The following DIO3 variants were observed in gnomAD, a reference collection of about 807,000 sequenced individuals.
DIO3 encodes thyroxine 5-deiodinase.
Under a neutral mutation model 20.4 loss-of-function variants are expected in DIO3, and 5 were observed. The ratio of observed to expected loss-of-function variants is 0.25; its 90% CI spans 0.13 to 0.52. The LOEUF is 0.52. Ranked by LOEUF, DIO3 falls within the 20% of genes least tolerant of loss-of-function variation. DIO3 has a pLI of 0.97. For missense variants in DIO3, 341 were observed against 438.2 expected (o/e 0.78, Z 1.98); for synonymous variants, 201 against 193.3 (o/e 1.04, Z -0.33).
Position 101,562,186 on chromosome 14 carries a change from G to C in DIO3, c.690G>C (p.Arg230Ser), listed in dbSNP as rs771279073. 2.7e-5 allele frequency: 44 copies of C among 1,612,310 alleles called. No homozygotes were observed. Among genetic ancestry groups the C allele is most frequent in the Non-Finnish European group, 3.7e-5 (44 of 1,180,028 alleles). The stretch of plus-strand genomic sequence containing the variant: ...TGGAGGACCGGGTCAGCGCAGCGAG[G>C]GTACTGCAGCAAGGTGCACCCGGCT... Residue 230 changes from arginine to serine, a missense_variant, in exon 1 of 1, where the codon AGG (arginine) becomes AGC (serine). By Grantham distance (110) the Arg-to-Ser change is moderately radical. Around this residue, in one of 3 missense-constraint regions of DIO3, gnomAD observed 138 missense variants for 197.8 expected, o/e 0.70. Coordinates refer to ENST00000510508, the Ensembl canonical transcript of DIO3. This position sits in a 1 kb window ranked among gnomAD's most constrained non-coding sequence, Gnocchi z 8.7.
In DIO3 at chr14:101,562,108, C is replaced by T. The variant is rs373572584; in HGVS notation, c.612C>T (p.Ser204=). Residue 204 remains serine, a synonymous_variant, in exon 1 of 1, where the codon TCC becomes TCT. Coordinates refer to ENST00000510508, the Ensembl canonical transcript of DIO3. The surrounding 1 kb of genome is among the most constrained non-coding windows in gnomAD (Gnocchi z 8.7). ...TCTACATCGAGGAAGCGCACCCCTC[C>T]GACGGCTGGGTCACCACGGACTCTC... is the stretch of plus-strand genomic sequence containing the variant. 4.5e-5 allele frequency: 72 copies of T among 1,612,976 alleles called. No individual in the cohort carries two copies. In the East Asian group the frequency reaches 7.8e-4, roughly 17 times the overall value.
Position 101,563,445 on chromosome 14 carries a change from A to C in DIO3, c.*1034A>C, listed in dbSNP as rs1390628678. On this transcript the variant is annotated 3_prime_UTR_variant, in exon 1 of 1. Transcript: ENST00000510508. The surrounding 1 kb of genome is among the most constrained non-coding windows in gnomAD (Gnocchi z 8.3). ...TCTACAATAATAAAGGCTTGAGGTA[A>C]ACTGCTTTCTGGTTGCCTTTGGTCC... is the stretch of plus-strand genomic sequence containing the variant. The C allele has an allele frequency of 6.0e-6, 1 of 166,264 alleles. No homozygotes were observed. The highest frequency in any genetic ancestry group is 1.5e-5 in the Non-Finnish European group (1 of 68,128). The allele number at this position is 166,264 out of a possible 1,614,324, so 10.3% of individuals were successfully genotyped here.
chr14:101,562,261 C>T lies in DIO3; in HGVS notation c.765C>T (p.Gly255=), dbSNP rs182325188. 6.2e-5 allele frequency: 100 copies of T among 1,612,960 alleles called. No homozygotes were observed. Among genetic ancestry groups the T allele is most frequent in the Admixed American group, 1.3e-4 (8 of 60,030 alleles). Residue 255 remains glycine, a synonymous_variant, in exon 1 of 1, where the codon GGC becomes GGT. Transcript: ENST00000510508. This position sits in a 1 kb window ranked among gnomAD's most constrained non-coding sequence, Gnocchi z 8.7. ...CCAACTCCAGCAGCTCGGCCTATGGCGCCTACTTCGAGCGTCTCTATGTCA... is the reference window on the plus strand; with the variant it reads ...CCAACTCCAGCAGCTCGGCCTATGGTGCCTACTTCGAGCGTCTCTATGTCA...
chr14:101,561,839 A>G lies in DIO3; in HGVS notation c.343A>G (p.Lys115Glu), dbSNP rs771815233. The change falls in exon 1 of 1, where the codon AAG becomes GAG. Residue 115 changes from lysine (K) to glutamate (E), a missense_variant. Lys to Glu is a moderately conservative substitution (Grantham distance 56). Around this residue, in one of 3 missense-constraint regions of DIO3, gnomAD observed 198 missense variants for 220.7 expected, o/e 0.90. Coordinates refer to ENST00000510508, the Ensembl canonical transcript of DIO3. The surrounding 1 kb of genome is among the most constrained non-coding windows in gnomAD (Gnocchi z 8.0). The stretch of plus-strand genomic sequence containing the variant: ...CCGCCTGTGCACCCTGGCGTCGCTC[A>G]AGGCGGTGTGGCATGGCCAGAAGTT... 6 of 1,608,988 alleles carry G rather than the reference A, an allele frequency of 3.7e-6. No individual in the cohort carries two copies. Among genetic ancestry groups the G allele is most frequent in the Non-Finnish European group, 3.4e-6 (4 of 1,179,668 alleles).
rs1210544834 is a variant in DIO3 at position 101,562,758 on chromosome 14, C to G, written c.*347C>G. Reference sequence around the variant, plus strand: ...GTGCCCTCAGCCAAGTGCTTTGGCCCGGTGCTTCCCGCAGCTGCACAGAGA... The same window carrying G: ...GTGCCCTCAGCCAAGTGCTTTGGCCGGGTGCTTCCCGCAGCTGCACAGAGA... On this transcript the variant is annotated 3_prime_UTR_variant, in exon 1 of 1. Transcript: ENST00000510508. The surrounding 1 kb of genome is among the most constrained non-coding windows in gnomAD (Gnocchi z 8.7). The G allele has an allele frequency of 3.4e-5, 8 of 238,282 alleles. No homozygotes were observed. The highest frequency in any genetic ancestry group is 1.6e-3 in the Middle Eastern group (1 of 628). The allele number at this position is 238,282 out of a possible 1,614,324, so 14.8% of individuals were successfully genotyped here.
chr14:101,562,102 C>A lies in DIO3; in HGVS notation c.606C>A (p.His202Gln). The A allele has an allele frequency of 6.2e-7, 1 of 1,612,794 alleles. No homozygotes were observed. The highest frequency in any genetic ancestry group is 8.5e-7 in the Non-Finnish European group (1 of 1,180,034). Residue 202 changes from histidine (H) to glutamine (Q), a missense_variant, in exon 1 of 1, where the codon CAC (histidine) becomes CAA (glutamine). His to Gln is a conservative substitution (Grantham distance 24). Transcript: ENST00000510508. This position sits in a 1 kb window ranked among gnomAD's most constrained non-coding sequence, Gnocchi z 8.7. ...TCATCATCTACATCGAGGAAGCGCA[C>A]CCCTCCGACGGCTGGGTCACCACGG... is the stretch of plus-strand genomic sequence containing the variant.
In DIO3 at chr14:101,562,196, C is replaced by G; in HGVS notation, c.700C>G (p.Gln234Glu). ...GGTCAGCGCAGCGAGGGTACTGCAGCAAGGTGCACCCGGCTGCGCTCTGGT... is the reference window on the plus strand; with the variant it reads ...GGTCAGCGCAGCGAGGGTACTGCAGGAAGGTGCACCCGGCTGCGCTCTGGT... Residue 234 changes from glutamine (Q) to glutamate (E), a missense_variant, in exon 1 of 1, where the codon CAA (glutamine) becomes GAA (glutamate). Gln to Glu is a conservative substitution (Grantham distance 29, BLOSUM62 2). Around this residue, in one of 3 missense-constraint regions of DIO3, gnomAD observed 138 missense variants for 197.8 expected, o/e 0.70. Coordinates refer to ENST00000510508, the Ensembl canonical transcript of DIO3. The surrounding 1 kb of genome is among the most constrained non-coding windows in gnomAD (Gnocchi z 8.7). 1 of 1,612,346 alleles carries G rather than the reference C, an allele frequency of 6.2e-7. No homozygotes were observed. Among genetic ancestry groups the G allele is most frequent in the Non-Finnish European group, 8.5e-7 (1 of 1,180,032 alleles).
chr14:101,562,328 G>A lies in DIO3; in HGVS notation c.832G>A (p.Asp278Asn), dbSNP rs755747625. The A allele has an allele frequency of 1.5e-5, 24 of 1,613,800 alleles. No individual in the cohort carries two copies. Among genetic ancestry groups the A allele is most frequent in the Non-Finnish European group, 1.9e-5 (23 of 1,180,056 alleles). The change falls in exon 1 of 1, where the codon GAC becomes AAC. Residue 278 changes from aspartate to asparagine, a missense_variant. Asp to Asn is a conservative substitution (Grantham distance 23). Transcript: ENST00000510508. The surrounding 1 kb of genome is among the most constrained non-coding windows in gnomAD (Gnocchi z 8.7). ...TATGTACCAGGGCGGCCGTGGCCCC[G>A]ACGGCTACCAGGTCTCTGAGCTGCG...
In DIO3 at chr14:101,561,876, A is replaced by G. The variant is rs775486194; in HGVS notation, c.380A>G (p.Lys127Arg). The stretch of plus-strand genomic sequence containing the variant: ...CATGGCCAGAAGTTGGATTTCTTCA[A>G]GCAGGCGCACGAGGGCGGTCCGGCG... Residue 127 changes from lysine to arginine, a missense_variant, in exon 1 of 1, where the codon AAG (lysine) becomes AGG (arginine). Lys to Arg is a conservative substitution (Grantham distance 26). Coordinates refer to ENST00000510508, the Ensembl canonical transcript of DIO3. This position sits in a 1 kb window ranked among gnomAD's most constrained non-coding sequence, Gnocchi z 8.0. 6.2e-7 allele frequency: 1 copy of G among 1,605,914 alleles called. No individual in the cohort carries two copies. The highest frequency in any genetic ancestry group is 1.1e-5 in the South Asian group (1 of 91,060).
chr14:101,561,671 C>T lies in DIO3; in HGVS notation c.175C>T (p.Leu59Phe), dbSNP rs1566744165. The change falls in exon 1 of 1, where the codon CTC becomes TTC. Residue 59 changes from leucine (L) to phenylalanine (F), a missense_variant. Around this residue, in one of 3 missense-constraint regions of DIO3, gnomAD observed 198 missense variants for 220.7 expected, o/e 0.90. Transcript: ENST00000510508. This position sits in a 1 kb window ranked among gnomAD's most constrained non-coding sequence, Gnocchi z 8.0. ...GCGCTTCCTCGGCACGGCCTTCATGCTCTGGCTTCTCGATTTCTTGTGTAT... is the reference window on the plus strand; with the variant it reads ...GCGCTTCCTCGGCACGGCCTTCATGTTCTGGCTTCTCGATTTCTTGTGTAT... 6.2e-7 allele frequency: 1 copy of T among 1,613,636 alleles called. No homozygotes were observed. Among genetic ancestry groups the T allele is most frequent in the East Asian group, 2.2e-5 (1 of 44,866 alleles).
chr14:101,562,556 C>T lies in DIO3; in HGVS notation c.*145C>T, dbSNP rs985744509. The T allele has an allele frequency of 2.7e-6, 2 of 736,776 alleles. No homozygotes were observed. The highest frequency in any genetic ancestry group is 4.5e-6 in the Non-Finnish European group (2 of 447,392). The allele number at this position is 736,776 out of a possible 1,614,324, so 45.6% of individuals were successfully genotyped here. A position where few individuals can be genotyped will look rare whatever the true frequency, so the allele number is the denominator to read the frequency against. ...GCCACCATTTCAGACTGAGTCTGCA[C>T]CCTCAGCCACATGAACAATCTCCCC... On this transcript the variant is annotated 3_prime_UTR_variant, in exon 1 of 1. Transcript: ENST00000510508. This position sits in a 1 kb window ranked among gnomAD's most constrained non-coding sequence, Gnocchi z 8.7.
Position 101,562,415 on chromosome 14 carries a change from T to A in DIO3, c.*4T>A. 1 of 1,598,406 alleles carries A rather than the reference T, an allele frequency of 6.3e-7. No individual in the cohort carries two copies. The highest frequency in any genetic ancestry group is 8.5e-7 in the Non-Finnish European group (1 of 1,170,238). On this transcript the variant is annotated 3_prime_UTR_variant, in exon 1 of 1. Transcript: ENST00000510508. The surrounding 1 kb of genome is among the most constrained non-coding windows in gnomAD (Gnocchi z 8.7). ...CGCTCGGCCCCGGAGGGTGTAAACA[T>A]CCAACGGACAATTGACTGAACTTGG...
At position 101,561,670 on chromosome 14, in the gene DIO3, G is replaced by C. The variant is rs778067983; in HGVS notation, c.174G>C (p.Met58Ile). 1 of 1,613,600 alleles carries C rather than the reference G, an allele frequency of 6.2e-7. No homozygotes were observed. The highest frequency in any genetic ancestry group is 2.2e-5 in the East Asian group (1 of 44,860). The change falls in exon 1 of 1, where the codon ATG (methionine) becomes ATC (isoleucine). Residue 58 changes from methionine (M) to isoleucine (I), a missense_variant. This residue lies in a region of DIO3 where 198 missense variants were observed against 220.7 expected (regional missense o/e 0.90). Transcript: ENST00000510508. This position sits in a 1 kb window ranked among gnomAD's most constrained non-coding sequence, Gnocchi z 8.0. ...CGCGCTTCCTCGGCACGGCCTTCATGCTCTGGCTTCTCGATTTCTTGTGTA... is the reference window on the plus strand; with the variant it reads ...CGCGCTTCCTCGGCACGGCCTTCATCCTCTGGCTTCTCGATTTCTTGTGTA...
Position 101,562,242 on chromosome 14 carries a change from C to G in DIO3, c.746C>G (p.Ser249Cys), listed in dbSNP as rs750216875. The G allele has an allele frequency of 6.2e-7, 1 of 1,612,638 alleles. No individual in the cohort carries two copies. The highest frequency in any genetic ancestry group is 8.5e-7 in the Non-Finnish European group (1 of 1,180,034). The change falls in exon 1 of 1, where the codon TCC (serine) becomes TGC (cysteine). Residue 249 changes from serine (S) to cysteine (C), a missense_variant. Physicochemically the swap from Ser to Cys is moderately radical, Grantham distance 112. Transcript: ENST00000510508. This position sits in a 1 kb window ranked among gnomAD's most constrained non-coding sequence, Gnocchi z 8.7. ...CTGGTCCTCGACACCATGGCCAACT[C>G]CAGCAGCTCGGCCTATGGCGCCTAC...
chr14:101,561,824 A>AC lies in DIO3; in HGVS notation c.331dup (p.Leu111ProfsTer76), dbSNP rs1023878367. On this transcript the variant is annotated frameshift_variant, in exon 1 of 1. Transcript: ENST00000510508. LOFTEE classifies it high-confidence loss of function. This position sits in a 1 kb window ranked among gnomAD's most constrained non-coding sequence, Gnocchi z 8.0. ...CGTGTCCGACGACAACCGCCTGTGCACCCTGGCGTCGCTCAAGGCGGTGTG... is the reference window on the plus strand; with the variant it reads ...CGTGTCCGACGACAACCGCCTGTGCACCCCTGGCGTCGCTCAAGGCGGTGTG... 6.2e-7 allele frequency: 1 copy of AC among 1,610,154 alleles called. No homozygotes were observed. Among genetic ancestry groups the AC allele is most frequent in the African/African-American group, 1.3e-5 (1 of 74,932 alleles).
At position 101,562,713 on chromosome 14, in the gene DIO3, T is replaced by A; in HGVS notation, c.*302T>A. Reference sequence around the variant, plus strand: ...CCAGGACTTTGCCTCTACAGCATTTTCTTACACCCCCTCCCCAGCGTGCCC... The same window carrying A: ...CCAGGACTTTGCCTCTACAGCATTTACTTACACCCCCTCCCCAGCGTGCCC... On this transcript the variant is annotated 3_prime_UTR_variant, in exon 1 of 1. Coordinates refer to ENST00000510508, the Ensembl canonical transcript of DIO3. The surrounding 1 kb of genome is among the most constrained non-coding windows in gnomAD (Gnocchi z 8.7). 1 of 343,474 alleles carries A rather than the reference T, an allele frequency of 2.9e-6. No homozygotes were observed. Among genetic ancestry groups the A allele is most frequent in the South Asian group, 5.2e-5 (1 of 19,168 alleles). 21.3% of individuals were successfully genotyped at this position (343,474 alleles called of 1,614,324 possible). A position where few individuals can be genotyped will look rare whatever the true frequency, so the allele number is the denominator to read the frequency against.
Position 101,561,765 on chromosome 14 carries a change from G to A in DIO3, c.269G>A (p.Gly90Asp), listed in dbSNP as rs752803150. 4 of 1,612,396 alleles carry A rather than the reference G, an allele frequency of 2.5e-6. No homozygotes were observed. The South Asian group carries it at 3.3e-5, about 13-fold the overall frequency. Reference sequence around the variant, plus strand: ...CCCGAAGTGGAGCTCAACAGTGAAGGCGAGGAGGTGCCTCCCGATGACCCG... The same window carrying A: ...CCCGAAGTGGAGCTCAACAGTGAAGACGAGGAGGTGCCTCCCGATGACCCG... The change falls in exon 1 of 1, where the codon GGC (glycine) becomes GAC (aspartate). Residue 90 changes from glycine to aspartate, a missense_variant. Physicochemically the swap from Gly to Asp is moderately conservative, Grantham distance 94. Coordinates refer to ENST00000510508, the Ensembl canonical transcript of DIO3. This position sits in a 1 kb window ranked among gnomAD's most constrained non-coding sequence, Gnocchi z 8.0.
At position 101,561,725 on chromosome 14, in the gene DIO3, C is replaced by T. The variant is rs1452166480; in HGVS notation, c.229C>T (p.Arg77Trp). ...CAAGCATTTCCTGGGCCGCCGCCGC[C>T]GGGGGCAGCCCGAGCCCGAAGTGGA... is the stretch of plus-strand genomic sequence containing the variant. The change falls in exon 1 of 1, where the codon CGG becomes TGG. Residue 77 changes from arginine to tryptophan, a missense_variant. By Grantham distance (101) the Arg-to-Trp change is moderately radical (BLOSUM62 -3). Around this residue, in one of 3 missense-constraint regions of DIO3, gnomAD observed 198 missense variants for 220.7 expected, o/e 0.90. Coordinates refer to ENST00000510508, the Ensembl canonical transcript of DIO3. This position sits in a 1 kb window ranked among gnomAD's most constrained non-coding sequence, Gnocchi z 8.0. 1.9e-6 allele frequency: 3 copies of T among 1,612,700 alleles called. No homozygotes were observed. In the South Asian group the frequency reaches 3.3e-5, roughly 18 times the overall value.
chr14:101,562,498 C>T lies in DIO3; in HGVS notation c.*87C>T. 2 of 1,333,144 alleles carry T rather than the reference C, an allele frequency of 1.5e-6. No individual in the cohort carries two copies. Among genetic ancestry groups the T allele is most frequent in the Non-Finnish European group, 1.0e-6 (1 of 969,270 alleles). The allele number at this position is 1,333,144 out of a possible 1,614,324, so 82.6% of individuals were successfully genotyped here. Reference sequence around the variant, plus strand: ...TGCAAGCGCCTCAAACCAAGTCACGCTTGGCGAGGCCCCAGTGACACTGAT... The same window carrying T: ...TGCAAGCGCCTCAAACCAAGTCACGTTTGGCGAGGCCCCAGTGACACTGAT... On this transcript the variant is annotated 3_prime_UTR_variant, in exon 1 of 1. Coordinates refer to ENST00000510508, the Ensembl canonical transcript of DIO3. The surrounding 1 kb of genome is among the most constrained non-coding windows in gnomAD (Gnocchi z 8.7).
Sources: gnomAD v4.1 joint callset for allele counts on GRCh38, gnomAD v4.1.1 for gene constraint, gnomAD v4.1.1 regional missense constraint, Gnocchi (gnomAD v3.1) non-coding constraint, MANE v1.5 for transcripts, NCBI Gene and HGNC (gene_info 2026-07-23, HGNC 2026-07-21) for gene names.